TXNDC16: variants seen among roughly 807,000 people sequenced by gnomAD.
TXNDC16 encodes the protein thioredoxin domain-containing protein 16.
TXNDC16 carries 74 observed loss-of-function variants against 85.6 expected under a neutral mutation model. That is an observed-to-expected ratio of 0.86 (90% CI 0.72 to 1.05). The LOEUF is 1.05. TXNDC16 is among the 50% of genes least tolerant of loss of function. TXNDC16 has a pLI of 0.00. For synonymous variants in TXNDC16, 335 were observed against 326.5 expected, an observed-to-expected ratio of 1.03 and a Z score of -0.28; for missense variants, 959 against 947.0, an observed-to-expected ratio of 1.01 and a Z score of -0.17.
intron 18 of TXNDC16, among the ~76,000 whole-genome samples, chr14:52,444,145 A>C (rs2035228180): frequency 6.6e-6 from 1 of 152,194 alleles, no homozygotes; most frequent in African/African-American, 2.4e-5. Context: ...CTGAGACACT[A>C]AGGAGAAACA....
At chr14:52,502,434 G>A (rs572593649) in intron 9 of TXNDC16, among the ~76,000 whole-genome samples, 21 of 152,314 alleles carry the variant, frequency 1.4e-4, no homozygotes, top group African/African-American at 3.4e-4. Flanking sequence ...TTTATAAAAC[G>A]TGTATTTCAA....
intron 14 of TXNDC16, among the ~76,000 whole-genome samples, chr14:52,481,385 G>A (rs1377957848): frequency 6.6e-6 from 1 of 152,082 alleles, no homozygotes; most frequent in Non-Finnish European, 1.5e-5. Context: ...GTACACTTAG[G>A]GTTGAGTGTC....
chr14:52,507,956 A>C (rs145734940), intron 9 of TXNDC16, among the ~76,000 whole-genome samples: 13,072 of 152,294 alleles, frequency 0.086, 614 homozygotes, highest in East Asian at 0.14. Context: ...TAAAACCATA[A>C]AAACCCTAGA....
intron 6 of TXNDC16, among the ~76,000 whole-genome samples, chr14:52,527,467 G>C (rs2140204096): frequency 6.6e-6 from 1 of 152,206 alleles, no homozygotes; most frequent in South Asian, 2.1e-4. Flanking sequence ...CTCTTCCCCA[G>C]AGTCAAATGC....
At chr14:52,491,622 T>A (rs1239345906) in intron 9 of TXNDC16, among the ~76,000 whole-genome samples, 3 of 152,096 alleles carry the variant, frequency 2.0e-5, no homozygotes, top group African/African-American at 7.2e-5. Context: ...GACTAATTGA[T>A]ATAGAAAAAT....
Position 52,432,555 on chromosome 14 carries a change from G to A in TXNDC16, c.2227C>T (p.Leu743Phe). 6.2e-7 allele frequency: 1 copy of A among 1,611,554 alleles called. No homozygotes were observed. Among genetic ancestry groups the A allele is most frequent in the Admixed American group, 1.7e-5 (1 of 59,488 alleles). The change falls in exon 21 of 21, where the codon CTT (leucine) becomes TTT (phenylalanine). Residue 743 changes from leucine to phenylalanine, a missense_variant. Transcript: ENST00000281741. ...ATACTTAGAAAATCATAAGCTGGAA[G>A]AGGAGGTTTCCATTCTTGAGCAGGT... ...ILPAQEWKPP[L>F]PAYDFLSMID...
intron 14 of TXNDC16, among the ~76,000 whole-genome samples, chr14:52,472,564 T>A (rs2140134447): frequency 6.6e-6 from 1 of 152,316 alleles, no homozygotes; most frequent in Middle Eastern, 3.4e-3. Flanking sequence ...ATGTACCCAG[T>A]AAAAATGTGT....
chr14:52,533,219 T>C (rs1167866167), intron 6 of TXNDC16, among the ~76,000 whole-genome samples: 1 of 152,150 alleles, frequency 6.6e-6, no homozygotes, highest in Non-Finnish European at 1.5e-5. Flanking sequence ...ATTCTGTAAA[T>C]TTGCTCTTCT....
At chr14:52,544,033 T>C in intron 2 of TXNDC16, among the ~76,000 whole-genome samples, 1 of 152,114 alleles carries the variant, frequency 6.6e-6, no homozygotes, top group Non-Finnish European at 1.5e-5. Context: ...ACAGCCAAAA[T>C]ATGCCTAATA....
At chr14:52,445,293 A>G (rs1321356409) in intron 18 of TXNDC16, among the ~76,000 whole-genome samples, 1 of 152,168 alleles carries the variant, frequency 6.6e-6, no homozygotes, top group East Asian at 1.9e-4. Flanking sequence ...TGAACATATC[A>G]ATTCAATGAT....
chr14:52,484,677 C>T lies in TXNDC16; in HGVS notation c.1109-1712G>A, dbSNP rs373703494. On this transcript the variant is annotated intron_variant, in intron 12 of 20. Coordinates refer to ENST00000281741, the MANE Select transcript of TXNDC16 (RefSeq NM_020784.3). The stretch of plus-strand genomic sequence containing the variant: ...GACGGATCACTTGAGGTCAGGAGTT[C>T]GAGGCCAGCCTGGCCAATATGGTGA... Among the ~76,000 whole-genome samples the T allele has an allele frequency of 1.2e-4, 18 of 152,018 alleles. No homozygotes were observed. In the South Asian group the frequency reaches 3.5e-3, roughly 30 times the overall value.
At chr14:52,547,666 A>G (rs988008204) in intron 1 of TXNDC16, among the ~76,000 whole-genome samples, 12 of 152,190 alleles carry the variant, frequency 7.9e-5, no homozygotes, top group African/African-American at 2.9e-4. Flanking sequence ...CTCTCCAAAC[A>G]GGAATACTTA....
At chr14:52,545,888 G>A (rs936927813) in intron 1 of TXNDC16, among the ~76,000 whole-genome samples, 1 of 151,708 alleles carries the variant, frequency 6.6e-6, no homozygotes, top group African/African-American at 2.4e-5. Flanking sequence ...ATGTGGGTGG[G>A]GAAAAAGAAT....
intron 6 of TXNDC16, among the ~76,000 whole-genome samples, chr14:52,530,975 T>A (rs976622224): frequency 6.6e-6 from 1 of 151,680 alleles, no homozygotes; most frequent in Non-Finnish European, 1.5e-5. Context: ...ACCCAAAATA[T>A]ACAAAACTCA....
intron 9 of TXNDC16, among the ~76,000 whole-genome samples, chr14:52,494,062 G>T (rs570931964): frequency 1.3e-5 from 2 of 151,788 alleles, no homozygotes; most frequent in African/African-American, 4.8e-5. Context: ...TATCACCAGG[G>T]GATAGGAACC....
At chr14:52,469,561 G>A (rs2035855088) in intron 16 of TXNDC16, among the ~76,000 whole-genome samples, 2 of 151,846 alleles carry the variant, frequency 1.3e-5, no homozygotes, top group Non-Finnish European at 2.9e-5. Flanking sequence ...TGGCCAACAT[G>A]GTGAAACCCC....
chr14:52,525,611 C>G (rs1379651204), intron 6 of TXNDC16, among the ~76,000 whole-genome samples: 1 of 150,796 alleles, frequency 6.6e-6, no homozygotes, highest in African/African-American at 2.4e-5. Context: ...GGCAGGAGAA[C>G]TGCTTGAACC....
chr14:52,432,238 A>G lies in TXNDC16; in HGVS notation c.*66T>C. On this transcript the variant is annotated 3_prime_UTR_variant, in exon 21 of 21. Transcript: ENST00000281741. ...TGCAAACTTGAAATGATTTAATATT[A>G]TTCTTTAAGGAAATAAATTAAGTCT... 1.4e-6 allele frequency: 2 copies of G among 1,383,702 alleles called. No individual in the cohort carries two copies. Among genetic ancestry groups the G allele is most frequent in the Non-Finnish European group, 9.8e-7 (1 of 1,024,696 alleles). The allele number at this position is 1,383,702 out of a possible 1,614,324, so 85.7% of individuals were successfully genotyped here. A position where few individuals can be genotyped will look rare whatever the true frequency, so the allele number is the denominator to read the frequency against.
chr14:52,510,772 C>T (rs2036936110), intron 9 of TXNDC16, among the ~76,000 whole-genome samples: 3 of 152,160 alleles, frequency 2.0e-5, no homozygotes, highest in Non-Finnish European at 4.4e-5. Context: ...AGTGTCTCTA[C>T]AACATTCTTT....
Sources: gnomAD v4.1 joint callset for allele counts (sites outside exome capture counted in the v4.1 genomes callset) on GRCh38, gnomAD v4.1.1 for gene constraint, MANE v1.5 for transcripts, NCBI Gene and HGNC (gene_info 2026-07-23, HGNC 2026-07-21) for gene names.